PIP5K1B: variants seen among roughly 807,000 people sequenced by gnomAD.
PIP5K1B encodes the protein phosphatidylinositol-4-phosphate 5-kinase type 1 beta, also known as phosphatidylinositol 4-phosphate 5-kinase type-1 beta.
A neutral mutation model predicts 67.0 loss-of-function variants in PIP5K1B; 42 were observed. That is an observed-to-expected ratio of 0.63 (90% CI 0.49 to 0.81). PIP5K1B has a LOEUF of 0.81. Among genes scored for constraint, PIP5K1B ranks in the 30% least tolerant of loss-of-function variants. The probability of loss-of-function intolerance (pLI) is 0.00; values close to 1 mark genes in which losing one functional copy is unlikely to be tolerated. For missense variants in PIP5K1B, 459 were observed against 646.3 expected (o/e 0.71, Z 3.14); for synonymous variants, 214 against 231.4 (o/e 0.92, Z 0.68).
At chr9:68,817,955 T>G (rs1036962392) in intron 2 of PIP5K1B, among the ~76,000 whole-genome samples, 8 of 152,210 alleles carry the variant, frequency 5.3e-5, no homozygotes, top group African/African-American at 1.7e-4. Context: ...ACAGCTTTTT[T>G]GAACTTTTCT....
chr9:68,899,048 C>T (rs1483989888), intron 8 of PIP5K1B, among the ~76,000 whole-genome samples: 3 of 152,196 alleles, frequency 2.0e-5, no homozygotes, highest in Admixed American at 6.5e-5. Context: ...TCTCCAGATG[C>T]GTTCTTCAGC....
intron 1 of PIP5K1B, among the ~76,000 whole-genome samples, chr9:68,728,601 G>A (rs560482620): frequency 6.6e-6 from 1 of 152,250 alleles, no homozygotes; most frequent in South Asian, 2.1e-4. Context: ...TAGAAGGGAT[G>A]AATAGTAAAT....
chr9:68,992,512 C>T (rs894779579), intron 15 of PIP5K1B, among the ~76,000 whole-genome samples: 11 of 152,046 alleles, frequency 7.2e-5, no homozygotes, highest in African/African-American at 2.7e-4. Flanking sequence ...GCATCAGTCA[C>T]CTAAGATGCT....
chr9:68,829,985 T>C (rs1207953158), intron 4 of PIP5K1B, among the ~76,000 whole-genome samples: 1 of 152,082 alleles, frequency 6.6e-6, no homozygotes, highest in Non-Finnish European at 1.5e-5. Flanking sequence ...AGCCTGGGCA[T>C]GGGAGGTGAG....
At chr9:68,854,976 G>C (rs776757459) in intron 4 of PIP5K1B, among the ~76,000 whole-genome samples, 11 of 152,144 alleles carry the variant, frequency 7.2e-5, no homozygotes, top group Non-Finnish European at 1.6e-4. Flanking sequence ...TCTAAAATAT[G>C]ATTTAAGTGA....
intron 8 of PIP5K1B, among the ~76,000 whole-genome samples, chr9:68,908,050 G>T (rs1825698264): frequency 6.6e-6 from 1 of 152,206 alleles, no homozygotes. Context: ...CTCACACATG[G>T]ACGTGGATGT....
At chr9:68,844,754 C>G (rs1822102153) in intron 4 of PIP5K1B, among the ~76,000 whole-genome samples, 1 of 152,178 alleles carries the variant, frequency 6.6e-6, no homozygotes, top group Non-Finnish European at 1.5e-5. Flanking sequence ...AAGCAGCAGC[C>G]CAGCCTCTAC....
At chr9:68,745,608 C>G (rs569932899) in intron 2 of PIP5K1B, among the ~76,000 whole-genome samples, 187 of 152,324 alleles carry the variant, frequency 1.2e-3, no homozygotes, top group African/African-American at 4.2e-3. Context: ...ACTCCAGCCT[C>G]TTCCTCTCCT....
chr9:68,739,365 A>G (rs540050016), intron 1 of PIP5K1B, among the ~76,000 whole-genome samples: 5 of 152,276 alleles, frequency 3.3e-5, no homozygotes, highest in South Asian at 2.1e-4. Context: ...TCTTTTGTCT[A>G]TATACTTAGA....
At chr9:68,896,349 G>GA (rs34939621) in intron 8 of PIP5K1B, among the ~76,000 whole-genome samples, 1,971 of 137,774 alleles carry the variant, frequency 0.014, 28 homozygotes, top group African/African-American at 0.035. Flanking sequence ...TTCTCTGCCA[G>GA]AAAAAAAAAA....
chr9:68,741,954 C>T (rs931845316), intron 1 of PIP5K1B, among the ~76,000 whole-genome samples: 1 of 152,242 alleles, frequency 6.6e-6, no homozygotes, highest in East Asian at 1.9e-4. Flanking sequence ...CTCCTCACTT[C>T]TATATGAGTT....
chr9:68,938,611 T>C (rs975116156), intron 13 of PIP5K1B, among the ~76,000 whole-genome samples: 11 of 152,220 alleles, frequency 7.2e-5, no homozygotes, highest in African/African-American at 2.7e-4. Flanking sequence ...AATATTGTTA[T>C]GTGTGAATTT....
intron 14 of PIP5K1B, among the ~76,000 whole-genome samples, chr9:68,986,759 T>G (rs904413281): frequency 6.6e-6 from 1 of 152,204 alleles, no homozygotes; most frequent in African/African-American, 2.4e-5. Context: ...AATTTTTGTA[T>G]GTTAATTTTG....
intron 2 of PIP5K1B, among the ~76,000 whole-genome samples, chr9:68,814,369 A>G (rs1295467944): frequency 6.6e-6 from 1 of 152,250 alleles, no homozygotes; most frequent in African/African-American, 2.4e-5. Flanking sequence ...TATAGTAACA[A>G]CAAATGTAAT....
chr9:68,960,554 C>T (rs547811421), intron 14 of PIP5K1B, among the ~76,000 whole-genome samples: 1 of 151,952 alleles, frequency 6.6e-6, no homozygotes, highest in African/African-American at 2.4e-5. Flanking sequence ...TAGTCTTCTA[C>T]GTTTCTGTTG....
intron 14 of PIP5K1B, among the ~76,000 whole-genome samples, chr9:68,976,567 GC>G (rs1829639575): frequency 1.3e-5 from 2 of 152,300 alleles, no homozygotes; most frequent in South Asian, 4.1e-4. Context: ...GGCCATCGGT[GC>G]CCTATGACAG....
At chr9:68,782,474 CAGAA>C (rs1475735625) in intron 2 of PIP5K1B, 4 of 166,842 alleles carry the variant, frequency 2.4e-5, no homozygotes, top group Admixed American at 6.5e-5. Flanking sequence ...GATAGTTTGA[CAGAA>C]AGAATGGCAT....
rs569200379 is a variant in PIP5K1B at position 68,864,168 on chromosome 9, A to G, written c.200+201A>G. Among the ~76,000 whole-genome samples the G allele has an allele frequency of 7.9e-5, 12 of 152,338 alleles. No individual in the cohort carries two copies. In the South Asian group the frequency reaches 2.5e-3, roughly 32 times the overall value. ...CTCACAATTTTTATGTGGAGATGGT[A>G]AATAGGTTTCATCTATGGACTAATT... On this transcript the variant is annotated intron_variant, in intron 5 of 15. Coordinates refer to ENST00000265382, the MANE Select transcript of PIP5K1B (RefSeq NM_003558.4).
At chr9:68,957,872 T>C (rs903288482) in intron 14 of PIP5K1B, among the ~76,000 whole-genome samples, 1 of 141,256 alleles carries the variant, frequency 7.1e-6, no homozygotes, top group African/African-American at 2.8e-5. Flanking sequence ...CTGTTTTCTT[T>C]TCTTTTTTTT....
Sources: allele counts gnomAD v4.1 joint callset (sites outside exome capture counted in the v4.1 genomes callset), GRCh38; gene constraint gnomAD v4.1.1; transcripts MANE v1.5; gene names NCBI Gene and HGNC (gene_info 2026-07-23, HGNC 2026-07-21).